SLC22A23: variants seen among roughly 807,000 people sequenced by gnomAD.
SLC22A23 encodes the protein ion transporter protein.
Under a neutral mutation model 61.0 loss-of-function variants are expected in SLC22A23, and 26 were observed. The ratio of observed to expected loss-of-function variants is 0.43; its 90% CI spans 0.31 to 0.59. The LOEUF (loss-of-function observed/expected upper bound fraction) is 0.59. SLC22A23 is among the 20% of genes least tolerant of loss of function. The pLI is 0.11. For synonymous variants in SLC22A23, 430 were observed against 413.9 expected, an observed-to-expected ratio of 1.04 and a Z score of -0.47; for missense variants, 796 against 934.7, an observed-to-expected ratio of 0.85 and a Z score of 1.94.
intron 3 of SLC22A23, among the ~76,000 whole-genome samples, chr6:3,359,710 C>A (rs1436500985): frequency 6.6e-6 from 1 of 152,070 alleles, no homozygotes; most frequent in Admixed American, 6.5e-5. Context: ...TATAACCCCC[C>A]AAAAGTGAAA....
chr6:3,305,918 G>A (rs915913619), intron 4 of SLC22A23, among the ~76,000 whole-genome samples: 1 of 152,210 alleles, frequency 6.6e-6, no homozygotes, highest in Non-Finnish European at 1.5e-5. Context: ...GTGCAAACTG[G>A]AGGAGTCCCA....
At position 3,322,505 on chromosome 6, in the gene SLC22A23, C is replaced by T. The variant is rs913142953; in HGVS notation, c.1082+1329G>A. ...CGGGAGGGGTTTGGACATCCAACTT[C>T]GGGACAAGAGCTGGAGGCGGCCCCA... On this transcript the variant is annotated intron_variant, in intron 4 of 9. Transcript: ENST00000406686. The surrounding 1 kb of genome is among the most constrained non-coding windows in gnomAD (Gnocchi z 4.1). Among the ~76,000 whole-genome samples the T allele has an allele frequency of 1.1e-4, 17 of 152,280 alleles. No homozygotes were observed. Among genetic ancestry groups the T allele is most frequent in the Middle Eastern group, 3.4e-3 (1 of 294 alleles).
chr6:3,436,583 G>GT (rs1771229098), intron 1 of SLC22A23, among the ~76,000 whole-genome samples: 1 of 152,024 alleles, frequency 6.6e-6, no homozygotes, highest in Non-Finnish European at 1.5e-5. Context: ...GCTCCTTCCC[G>GT]TTACAGGGCG....
intron 3 of SLC22A23, among the ~76,000 whole-genome samples, chr6:3,388,383 C>G (rs1767443596): frequency 6.6e-6 from 1 of 151,996 alleles, no homozygotes; most frequent in South Asian, 2.1e-4. Context: ...TACCATCAAA[C>G]AAAAACAAAA....
intron 4 of SLC22A23, among the ~76,000 whole-genome samples, chr6:3,301,403 AAAC>A (rs1336327159): frequency 2.0e-5 from 3 of 152,264 alleles, no homozygotes; most frequent in African/African-American, 4.8e-5. Context: ...CTTATCTAAG[AAAC>A]AATATATGAA....
At chr6:3,326,554 T>C (rs1021163082) in intron 3 of SLC22A23, among the ~76,000 whole-genome samples, 1 of 152,222 alleles carries the variant, frequency 6.6e-6, no homozygotes, top group African/African-American at 2.4e-5. Context: ...AATAATTTTC[T>C]GACCTCTCCA....
In SLC22A23 at chr6:3,410,114, C is replaced by T. The variant is rs796726257; in HGVS notation, c.913+74G>A. On this transcript the variant is annotated intron_variant, in intron 3 of 9. Transcript: ENST00000406686. This position sits in a 1 kb window ranked among gnomAD's most constrained non-coding sequence, Gnocchi z 5.0. ...CCCACACGAGCAGCATGCACAGTATCTTTCCCAGAACCTCCCAGGCAACAA... is the reference window on the plus strand; with the variant it reads ...CCCACACGAGCAGCATGCACAGTATTTTTCCCAGAACCTCCCAGGCAACAA... 41 of 1,522,300 alleles carry T rather than the reference C, an allele frequency of 2.7e-5. No individual in the cohort carries two copies. The African/African-American group carries it at 5.3e-4, about 20-fold the overall frequency. 94.3% of individuals were successfully genotyped at this position (1,522,300 alleles called of 1,614,324 possible).
intron 3 of SLC22A23, among the ~76,000 whole-genome samples, chr6:3,361,627 C>T (rs901383379): frequency 9.2e-5 from 14 of 152,250 alleles, no homozygotes; most frequent in African/African-American, 3.4e-4. Flanking sequence ...AGTCTCTCTG[C>T]ATCAGCAACA....
At chr6:3,363,999 A>G (rs9503560) in intron 3 of SLC22A23, among the ~76,000 whole-genome samples, 106,991 of 152,138 alleles carry the variant, frequency 0.7, 37,850 homozygotes, top group East Asian at 0.84. Context: ...ACTTTATCTG[A>G]CCTGGCCCAT....
Position 3,381,067 on chromosome 6 carries a change from C to T in SLC22A23, c.913+29121G>A, listed in dbSNP as rs79152178. On this transcript the variant is annotated intron_variant, in intron 3 of 9. Coordinates refer to ENST00000406686, the MANE Select transcript of SLC22A23 (RefSeq NM_015482.2). Reference sequence around the variant, plus strand: ...CAGAGATGCCTCGTATGTGAAGGCACTGACACCACGTCCTGGGTGCTTTGT... The same window carrying T: ...CAGAGATGCCTCGTATGTGAAGGCATTGACACCACGTCCTGGGTGCTTTGT... 7.6e-3 allele frequency among the ~76,000 whole-genome samples: 1,165 copies of T among 152,344 alleles called. 8 individuals are homozygous for T. Among genetic ancestry groups the T allele is most frequent in the South Asian group, 0.012 (59 of 4,826 alleles).
intron 3 of SLC22A23, among the ~76,000 whole-genome samples, chr6:3,338,293 T>A (rs1763968344): frequency 6.6e-6 from 1 of 152,254 alleles, no homozygotes. Context: ...AATATTGACA[T>A]CAAGTGCAAG....
In SLC22A23 at chr6:3,410,140, T is replaced by C. The variant is rs539056577; in HGVS notation, c.913+48A>G. The stretch of plus-strand genomic sequence containing the variant: ...TTTCCCAGAACCTCCCAGGCAACAA[T>C]ACTTTTGCTAAATTCTTTCAAGACT... On this transcript the variant is annotated intron_variant, in intron 3 of 9. Coordinates refer to ENST00000406686, the MANE Select transcript of SLC22A23 (RefSeq NM_015482.2). This position sits in a 1 kb window ranked among gnomAD's most constrained non-coding sequence, Gnocchi z 5.0. The C allele has an allele frequency of 4.5e-6, 7 of 1,566,364 alleles. No homozygotes were observed. The highest frequency in any genetic ancestry group is 2.7e-5 in the African/African-American group (2 of 73,182).
intron 3 of SLC22A23, among the ~76,000 whole-genome samples, chr6:3,373,262 G>A (rs1184745451): frequency 6.6e-6 from 1 of 152,248 alleles, no homozygotes; most frequent in African/African-American, 2.4e-5. Context: ...ACAATCCCAT[G>A]TGGGGGAAGT....
At chr6:3,383,798 G>A (rs1767108870) in intron 3 of SLC22A23, among the ~76,000 whole-genome samples, 1 of 152,238 alleles carries the variant, frequency 6.6e-6, no homozygotes, top group Admixed American at 6.5e-5. Flanking sequence ...CGGGCGACGG[G>A]GCTGAGAGGG....
intron 4 of SLC22A23, among the ~76,000 whole-genome samples, chr6:3,305,784 T>C (rs1048430483): frequency 1.3e-5 from 2 of 152,122 alleles, no homozygotes; most frequent in South Asian, 2.1e-4. Flanking sequence ...AAAGCGACCT[T>C]GAGGATGACT....
intron 3 of SLC22A23, among the ~76,000 whole-genome samples, chr6:3,370,685 C>T (rs1417292441): frequency 6.6e-6 from 1 of 152,270 alleles, no homozygotes; most frequent in Non-Finnish European, 1.5e-5. Context: ...TTCAGTGTGC[C>T]TACACCTGCT....
chr6:3,295,090 GGCTGGGCTGCT>G (rs1760957412), intron 5 of SLC22A23, among the ~76,000 whole-genome samples: 2 of 152,242 alleles, frequency 1.3e-5, no homozygotes, highest in Admixed American at 1.3e-4. Context: ...TCAGGCCTTC[GGCTGGGCTGCT>G]GCTGGGGGCA....
chr6:3,385,661 G>A (rs1051125719), intron 3 of SLC22A23, among the ~76,000 whole-genome samples: 48 of 152,318 alleles, frequency 3.2e-4, no homozygotes, highest in African/African-American at 1.0e-3. Context: ...CCCTACTGTT[G>A]GAGCTAATTG....
rs748316936 is a variant in SLC22A23 at position 3,269,028 on chromosome 6, AGAG to A, written c.*4024_*4026del. On this transcript the variant is annotated 3_prime_UTR_variant, in exon 10 of 10. Coordinates refer to ENST00000406686, the MANE Select transcript of SLC22A23 (RefSeq NM_015482.2). ...TGTCATTTTCGTTAAAAAATACATT[AGAG>A]AAGAGAGTTTTGGGTTACCAGTCTT... 4.6e-5 allele frequency: 7 copies of A among 152,338 alleles called. No individual in the cohort carries two copies. Among genetic ancestry groups the A allele is most frequent in the African/African-American group, 9.7e-5 (4 of 41,430 alleles). The allele number at this position is 152,338 out of a possible 1,614,324, so 9.4% of individuals were successfully genotyped here.
Sources: gnomAD v4.1 joint callset for allele counts (sites outside exome capture counted in the v4.1 genomes callset) on GRCh38, gnomAD v4.1.1 for gene constraint, Gnocchi (gnomAD v3.1) non-coding constraint, MANE v1.5 for transcripts, NCBI Gene and HGNC (gene_info 2026-07-23, HGNC 2026-07-21) for gene names.